Variants in LHFPL3 observed in about 807,000 individuals in gnomAD.
LHFPL3 encodes LHFPL tetraspan subfamily member 3, also known as LHFPL tetraspan subfamily member 3 protein.
A neutral mutation model predicts 19.3 loss-of-function variants in LHFPL3; 5 were observed. The ratio of observed to expected loss-of-function variants is 0.26; its 90% CI spans 0.14 to 0.54. The LOEUF is 0.54. Among genes scored for constraint, LHFPL3 ranks in the 20% least tolerant of loss-of-function variants. The pLI is 0.94. For missense variants in LHFPL3, 249 were observed against 307.4 expected, an observed-to-expected ratio of 0.81 and a Z score of 1.42; for synonymous variants, 133 against 126.2, an observed-to-expected ratio of 1.05 and a Z score of -0.36.
intron 1 of LHFPL3, among the ~76,000 whole-genome samples, chr7:104,715,412 A>T (rs1383905737): frequency 6.6e-6 from 1 of 152,208 alleles, no homozygotes; most frequent in African/African-American, 2.4e-5. Context: ...TTTTAAAAGC[A>T]TTAAAATATT....
At chr7:104,670,446 T>C (rs910872097) in intron 1 of LHFPL3, among the ~76,000 whole-genome samples, 5 of 152,212 alleles carry the variant, frequency 3.3e-5, no homozygotes, top group African/African-American at 7.2e-5. Context: ...CCACATTCTA[T>C]TGAAACCTTG....
At chr7:104,559,608 C>A (rs1469908143) in intron 1 of LHFPL3, among the ~76,000 whole-genome samples, 1 of 152,150 alleles carries the variant, frequency 6.6e-6, no homozygotes, top group Non-Finnish European at 1.5e-5. Context: ...TATAGATATA[C>A]AATCATGTCA....
At chr7:104,846,689 G>T (rs1259694521) in intron 2 of LHFPL3, among the ~76,000 whole-genome samples, 1 of 152,180 alleles carries the variant, frequency 6.6e-6, no homozygotes, top group Non-Finnish European at 1.5e-5. Context: ...CTCTGGAAGA[G>T]AATCTCTTGC....
At chr7:104,870,434 C>G (rs1372541493) in intron 2 of LHFPL3, among the ~76,000 whole-genome samples, 1 of 152,182 alleles carries the variant, frequency 6.6e-6, no homozygotes. Flanking sequence ...ATGGGAACAT[C>G]TGTCTCCCAG....
At chr7:104,360,681 A>T (rs985131174) in intron 1 of LHFPL3, among the ~76,000 whole-genome samples, 4 of 148,436 alleles carry the variant, frequency 2.7e-5, no homozygotes, top group East Asian at 2.0e-4. Flanking sequence ...GGGTTTTTTT[A>T]AAAAAGTGCT....
chr7:104,404,865 T>C (rs1791385485), intron 1 of LHFPL3, among the ~76,000 whole-genome samples: 1 of 152,190 alleles, frequency 6.6e-6, no homozygotes, highest in Admixed American at 6.5e-5. Flanking sequence ...TTTCATATGA[T>C]TGTCCATGTA....
intron 1 of LHFPL3, among the ~76,000 whole-genome samples, chr7:104,617,476 A>G (rs1791368354): frequency 6.6e-6 from 1 of 152,216 alleles, no homozygotes; most frequent in African/African-American, 2.4e-5. Context: ...AAGTATTTTG[A>G]TAGTGGCATC....
chr7:104,376,055 T>C (rs1398532498), intron 1 of LHFPL3, among the ~76,000 whole-genome samples: 2 of 152,180 alleles, frequency 1.3e-5, no homozygotes, highest in Admixed American at 1.3e-4. Flanking sequence ...CTTATGCAGG[T>C]TGAAATTTGG....
intron 2 of LHFPL3, among the ~76,000 whole-genome samples, chr7:104,818,770 C>A (rs1037308329): frequency 2.0e-5 from 3 of 151,288 alleles, no homozygotes; most frequent in Admixed American, 6.6e-5. Context: ...TTTAATAAGC[C>A]CTTTCTCCTT....
chr7:104,660,215 A>T (rs183101463), intron 1 of LHFPL3, among the ~76,000 whole-genome samples: 7 of 152,214 alleles, frequency 4.6e-5, no homozygotes, highest in Admixed American at 4.6e-4. Flanking sequence ...GTTAGCCAGG[A>T]TGGTCTCGAT....
chr7:104,763,173 A>G (rs1794405187), intron 2 of LHFPL3, among the ~76,000 whole-genome samples: 2 of 152,206 alleles, frequency 1.3e-5, no homozygotes. Context: ...CTTGTCAACA[A>G]GTAATTGGCA....
chr7:104,567,929 G>A (rs532925165), intron 1 of LHFPL3, among the ~76,000 whole-genome samples: 6 of 152,208 alleles, frequency 3.9e-5, no homozygotes, highest in South Asian at 2.1e-4. Context: ...CCCAATGCAC[G>A]TCTACTGCTC....
chr7:104,687,184 T>A (rs1042729813), intron 1 of LHFPL3, among the ~76,000 whole-genome samples: 2 of 152,188 alleles, frequency 1.3e-5, no homozygotes, highest in East Asian at 3.8e-4. Flanking sequence ...AACACTTTAC[T>A]TACATTTACC....
At chr7:104,620,703 G>A (rs1281736750) in intron 1 of LHFPL3, among the ~76,000 whole-genome samples, 2 of 152,120 alleles carry the variant, frequency 1.3e-5, no homozygotes, top group African/African-American at 2.4e-5. Flanking sequence ...ATAATGGCCC[G>A]GAACTCTCTA....
chr7:104,542,545 T>C (rs1794505821), intron 1 of LHFPL3, among the ~76,000 whole-genome samples: 1 of 152,146 alleles, frequency 6.6e-6, no homozygotes, highest in African/African-American at 2.4e-5. Flanking sequence ...CCCAATTCTA[T>C]TGCTCTACCT....
chr7:104,823,352 T>C (rs998576985), intron 2 of LHFPL3, among the ~76,000 whole-genome samples: 4 of 152,140 alleles, frequency 2.6e-5, no homozygotes, highest in African/African-American at 9.7e-5. Flanking sequence ...CAGGCCTCAG[T>C]TTTTTCATCT....
intron 2 of LHFPL3, among the ~76,000 whole-genome samples, chr7:104,861,531 C>T (rs114266121): frequency 0.016 from 2,409 of 152,064 alleles, 67 homozygotes; most frequent in African/African-American, 0.055. Context: ...CAGGGCCTCC[C>T]GGGTTAGCAA....
At chr7:104,582,779 A>G (rs1244632071) in intron 1 of LHFPL3, among the ~76,000 whole-genome samples, 1 of 117,286 alleles carries the variant, frequency 8.5e-6, no homozygotes, top group Non-Finnish European at 2.0e-5. Context: ...GCATTCCTGG[A>G]AAAAACCCAA....
intron 1 of LHFPL3, among the ~76,000 whole-genome samples, chr7:104,335,850 T>A (rs1260307556): frequency 3.1e-4 from 21 of 68,256 alleles, no homozygotes; most frequent in Admixed American, 6.9e-4. Context: ...TCAAAGGGAG[T>A]AAAATGAAAA....
Sources: gnomAD v4.1 joint callset for allele counts (sites outside exome capture counted in the v4.1 genomes callset) on GRCh38, gnomAD v4.1.1 for gene constraint, MANE v1.5 for transcripts, NCBI Gene and HGNC (gene_info 2026-07-23, HGNC 2026-07-21) for gene names.